CHD2: variants seen among roughly 807,000 people sequenced by gnomAD.
CHD2 encodes chromodomain helicase DNA binding protein 2, also known as ATP-dependent chromatin remodeler CHD2.
CHD2 carries 28 observed loss-of-function variants against 243.9 expected under a neutral mutation model. The ratio of observed to expected loss-of-function variants is 0.11; its 90% CI spans 0.09 to 0.16. CHD2 has a LOEUF of 0.16. Among genes scored for constraint, CHD2 ranks in the 10% least tolerant of loss-of-function variants. The pLI is 1.00. For missense variants in CHD2, 1,386 were observed against 2,209.8 expected (o/e 0.63, Z 7.47); for synonymous variants, 775 against 779.0 (o/e 0.99, Z 0.09).
rs1216054743 is a variant in CHD2, at chr15:92,956,614, G to A, written c.1965G>A (p.Glu655=). Reference sequence around the variant, plus strand: ...CCCCTCTTCAGAATTCCCTCAAAGAGCTCTGGTCCTTGCTGCACTTTATTA... The same window carrying A: ...CCCCTCTTCAGAATTCCCTCAAAGAACTCTGGTCCTTGCTGCACTTTATTA... The part of the protein sequence containing the change: ...TGTPLQNSLK[E]LWSLLHFIMP... The change falls in exon 16 of 39, where the codon GAG becomes GAA. Residue 655 remains glutamate, a synonymous_variant. Coordinates refer to ENST00000394196, the MANE Select transcript of CHD2 (RefSeq NM_001271.4). The A allele has an allele frequency of 6.2e-7, 1 of 1,613,632 alleles. No homozygotes were observed. Among genetic ancestry groups the A allele is most frequent in the East Asian group, 2.2e-5 (1 of 44,876 alleles).
chr15:93,020,605 C>A, intron 38 of CHD2: 1 of 489,956 alleles, frequency 2.0e-6, no homozygotes, highest in Admixed American at 3.6e-5. Context: ...GGGTACCAGC[C>A]CACAGTCCTT....
chr15:92,913,119 T>A (rs897278264), intron 2 of CHD2, among the ~76,000 whole-genome samples: 1 of 152,200 alleles, frequency 6.6e-6, no homozygotes, highest in African/African-American at 2.4e-5. Context: ...AGTTAAAAAA[T>A]TCAGCAATTC....
chr15:92,999,057 C>G (rs867932923), intron 31 of CHD2, among the ~76,000 whole-genome samples: 1 of 132,346 alleles, frequency 7.6e-6, no homozygotes. Flanking sequence ...GCACTCCGGC[C>G]TGGGCAACAG....
intron 2 of CHD2, among the ~76,000 whole-genome samples, chr15:92,909,499 C>CT (rs1237226853): frequency 1.3e-5 from 2 of 152,284 alleles, no homozygotes; most frequent in Non-Finnish European, 2.9e-5. Context: ...GGGACAGAGT[C>CT]TCACTCTGCT....
At chr15:92,936,255 G>A (rs1022367699) in intron 5 of CHD2, among the ~76,000 whole-genome samples, 2 of 152,136 alleles carry the variant, frequency 1.3e-5, no homozygotes, top group Admixed American at 1.3e-4. Context: ...TACTTGACCT[G>A]TTCTCCCATG....
intron 7 of CHD2, 77 bp from the exon 8 acceptor site, chr15:92,941,745 T>G: frequency 7.0e-7 from 1 of 1,424,472 alleles, no homozygotes; most frequent in Non-Finnish European, 9.7e-7. Context: ...TGGTTTCTTA[T>G]TCTAGTGACG....
At chr15:93,022,309 G>A (rs915405424) in intron 38 of CHD2, 6 of 152,198 alleles carry the variant, frequency 3.9e-5, no homozygotes, top group Admixed American at 2.6e-4. Flanking sequence ...AGGAGGAGGT[G>A]CCAGCCTCTT....
intron 17 of CHD2, among the ~76,000 whole-genome samples, chr15:92,968,181 A>T (rs2053792516): frequency 6.6e-6 from 1 of 152,026 alleles, no homozygotes; most frequent in African/African-American, 2.4e-5. Flanking sequence ...TGTTTTGTAG[A>T]CTTTTCTCAC....
intron 19 of CHD2, 39 bp from the exon 20 acceptor site, chr15:92,974,840 C>A: frequency 1.3e-6 from 2 of 1,585,834 alleles, no homozygotes; most frequent in South Asian, 2.2e-5. Context: ...TGTAGCTGAT[C>A]TTCCTATCTT....
At chr15:92,928,038 A>G (rs1313249690) in intron 4 of CHD2, among the ~76,000 whole-genome samples, 6 of 152,208 alleles carry the variant, frequency 3.9e-5, no homozygotes, top group East Asian at 3.8e-4. Flanking sequence ...TGAAATGTCT[A>G]CTTTCTGCTT....
rs527477898 is a variant in CHD2 at position 93,014,809 on chromosome 15, C to A, written c.4806C>A (p.His1602Gln). ...AGTCCCATACCTCACACAACCTTCA[C>A]CCTCAGAAGCCTCATTTGCCTGCCT... ...ISQSHTSHNL[H>Q]PQKPHLPASH... The change falls in exon 37 of 39, where the codon CAC (histidine) becomes CAA (glutamine). Residue 1602 changes from histidine (H) to glutamine (Q), a missense_variant. Physicochemically the swap from His to Gln is conservative, Grantham distance 24. Transcript: ENST00000394196. 1 of 1,614,170 alleles carries A rather than the reference C, an allele frequency of 6.2e-7. No homozygotes were observed. The highest frequency in any genetic ancestry group is 8.5e-7 in the Non-Finnish European group (1 of 1,180,018).
chr15:92,963,809 T>C (rs4778064), intron 16 of CHD2, among the ~76,000 whole-genome samples: 11,197 of 152,226 alleles, frequency 0.074, 433 homozygotes, highest in Middle Eastern at 0.19. Flanking sequence ...GAGAAAAAAA[T>C]ACATCCTTCA....
In CHD2 at chr15:92,997,190, T is replaced by C; in HGVS notation, c.3735-63T>C. On this transcript the variant is annotated intron_variant, in intron 29 of 38. Coordinates refer to ENST00000394196, the MANE Select transcript of CHD2 (RefSeq NM_001271.4). The surrounding 1 kb of genome is among the most constrained non-coding windows in gnomAD (Gnocchi z 4.1). ...GTAGTTCCATAGTATTTTTACTGTC[T>C]CTTCTTTAACATACCAAAAAGGCCC... 3.1e-6 allele frequency: 5 copies of C among 1,608,118 alleles called. No individual in the cohort carries two copies. In the East Asian group the frequency reaches 1.1e-4, roughly 36 times the overall value.
intron 37 of CHD2, among the ~76,000 whole-genome samples, chr15:93,016,955 A>G (rs753305803): frequency 6.6e-6 from 1 of 152,198 alleles, no homozygotes; most frequent in Non-Finnish European, 1.5e-5. Context: ...CAAATGGCCA[A>G]TATGACGAGA....
At chr15:92,930,061 C>T (rs926046253) in intron 5 of CHD2, among the ~76,000 whole-genome samples, 7 of 152,280 alleles carry the variant, frequency 4.6e-5, no homozygotes, top group Non-Finnish European at 1.0e-4. Context: ...ATTCAGTTTT[C>T]ATTTGTGTTT....
At chr15:92,942,170 A>G (rs1183796627) in intron 8 of CHD2, among the ~76,000 whole-genome samples, 1 of 152,214 alleles carries the variant, frequency 6.6e-6, no homozygotes, top group Admixed American at 6.5e-5. Context: ...ATAAGTGTCA[A>G]TGTTTTATAA....
At chr15:92,984,182 T>C (rs1050678420) in intron 24 of CHD2, 148 bp from the exon 25 acceptor site, 60 of 567,096 alleles carry the variant, frequency 1.1e-4, no homozygotes, top group Non-Finnish European at 1.5e-4. Context: ...AAAGGAAAAA[T>C]TAATAGAAAA....
chr15:92,901,936 T>G (rs1363509326), intron 2 of CHD2: 2 of 359,518 alleles, frequency 5.6e-6, no homozygotes, highest in Non-Finnish European at 9.9e-6. Flanking sequence ...ACTTGATGGT[T>G]AGAGTTCCTG....
Position 93,001,883 on chromosome 15 carries a change from A to C in CHD2, c.4138-294A>C, listed in dbSNP as rs563871382. On this transcript the variant is annotated intron_variant, in intron 32 of 38. Coordinates refer to ENST00000394196, the MANE Select transcript of CHD2 (RefSeq NM_001271.4). ...TTAGCTGACTTTGTATAGGTATATA[A>C]TCTCTTTGGTACTCAGTTTCCATCC... Among the ~76,000 whole-genome samples, 12 of 152,312 alleles carry C rather than the reference A, an allele frequency of 7.9e-5. No individual in the cohort carries two copies. In the South Asian group the frequency reaches 2.5e-3, roughly 32 times the overall value.
Sources: gnomAD v4.1 joint callset for allele counts (sites outside exome capture counted in the v4.1 genomes callset) on GRCh38, gnomAD v4.1.1 for gene constraint, Gnocchi (gnomAD v3.1) non-coding constraint, MANE v1.5 for transcripts, NCBI Gene and HGNC (gene_info 2026-07-23, HGNC 2026-07-21) for gene names.